Variants in HTR1F observed in about 807,000 individuals in gnomAD.
HTR1F encodes the protein 5-hydroxytryptamine receptor 1F, also known as 5-hydroxytryptamine (serotonin) receptor 1F, G protein-coupled.
A neutral mutation model predicts 24.0 loss-of-function variants in HTR1F; 17 were observed. That is an observed-to-expected ratio of 0.71 (90% CI 0.48 to 1.06). HTR1F has a LOEUF of 1.06. Ranked by LOEUF, HTR1F falls within the 50% of genes least tolerant of loss-of-function variation. The probability of loss-of-function intolerance (pLI) is 0.00; values close to 1 mark genes in which losing one functional copy is unlikely to be tolerated. For synonymous variants in HTR1F, 186 were observed against 156.8 expected (o/e 1.19, Z -1.39); for missense variants, 391 against 427.8 (o/e 0.91, Z 0.76).
intron 2 of HTR1F, among the ~76,000 whole-genome samples, chr3:87,874,648 C>G (rs1397500324): frequency 6.6e-6 from 1 of 150,864 alleles, no homozygotes; most frequent in Non-Finnish European, 1.5e-5. Context: ...AAAAAAAACC[C>G]TAAAATTAAT....
At chr3:87,970,300 G>A (rs375792667) in intron 2 of HTR1F, among the ~76,000 whole-genome samples, 2 of 152,190 alleles carry the variant, frequency 1.3e-5, no homozygotes, top group African/African-American at 4.8e-5. Context: ...GGTGGGGGCA[G>A]GGTTTAAAAC....
intron 2 of HTR1F, among the ~76,000 whole-genome samples, chr3:87,913,716 T>C (rs1703830469): frequency 6.6e-6 from 1 of 152,122 alleles, no homozygotes; most frequent in Non-Finnish European, 1.5e-5. Context: ...GTAAAATAAA[T>C]GTGGTACAAT....
Position 87,841,193 on chromosome 3 carries a change from T to C in HTR1F, c.-43+19069T>C, listed in dbSNP as rs141088777. ...AACATTACACTGTACCCCATAAATA[T>C]ATAATTATTTATCAATTGTTATTTG... is the stretch of plus-strand genomic sequence containing the variant. On this transcript the variant is annotated intron_variant, in intron 2 of 2. Transcript: ENST00000319595. 4.1e-3 allele frequency among the ~76,000 whole-genome samples: 617 copies of C among 152,004 alleles called. 7 individuals carry two copies. The highest frequency in any genetic ancestry group is 6.4e-3 in the Non-Finnish European group (436 of 68,008).
intron 2 of HTR1F, among the ~76,000 whole-genome samples, chr3:87,927,785 A>G (rs1338086061): frequency 1.3e-5 from 2 of 152,164 alleles, no homozygotes; most frequent in Non-Finnish European, 2.9e-5. Flanking sequence ...TAGTTACTGG[A>G]GATACACAAG....
intron 2 of HTR1F, among the ~76,000 whole-genome samples, chr3:87,912,126 T>A (rs1293752710): frequency 6.6e-6 from 1 of 151,770 alleles, no homozygotes; most frequent in East Asian, 1.9e-4. Flanking sequence ...AGTCAAACTA[T>A]CCCTGTTTGC....
At chr3:87,865,935 A>C (rs1313765911) in intron 2 of HTR1F, among the ~76,000 whole-genome samples, 1 of 152,130 alleles carries the variant, frequency 6.6e-6, no homozygotes, top group Non-Finnish European at 1.5e-5. Flanking sequence ...ACAGCTTACC[A>C]AAAAGTTGAT....
intron 2 of HTR1F, among the ~76,000 whole-genome samples, chr3:87,925,136 G>C (rs949460550): frequency 6.6e-6 from 1 of 151,888 alleles, no homozygotes; most frequent in East Asian, 1.9e-4. Flanking sequence ...CAGTGATCTA[G>C]ATTGTGGGTG....
intron 2 of HTR1F, among the ~76,000 whole-genome samples, chr3:87,962,224 TA>T (rs1474293604): frequency 6.6e-6 from 1 of 152,116 alleles, no homozygotes; most frequent in African/African-American, 2.4e-5. Flanking sequence ...CTGATTTGGC[TA>T]CTACTTAGGA....
At chr3:87,838,980 T>G (rs976658756) in intron 2 of HTR1F, among the ~76,000 whole-genome samples, 2 of 151,472 alleles carry the variant, frequency 1.3e-5, no homozygotes, top group African/African-American at 4.8e-5. Flanking sequence ...GTCTCTTTAT[T>G]CTATTGATTG....
intron 2 of HTR1F, among the ~76,000 whole-genome samples, chr3:87,827,599 C>G (rs1704492043): frequency 6.6e-6 from 1 of 152,060 alleles, no homozygotes; most frequent in Admixed American, 6.5e-5. Flanking sequence ...AATTCTAAAG[C>G]CTTTATTTAA....
At chr3:87,815,133 G>T (rs996792928) in intron 1 of HTR1F, among the ~76,000 whole-genome samples, 1 of 152,074 alleles carries the variant, frequency 6.6e-6, no homozygotes, top group African/African-American at 2.4e-5. Context: ...ATACAATTGT[G>T]TAAAAGGCAG....
intron 2 of HTR1F, among the ~76,000 whole-genome samples, chr3:87,961,884 G>C (rs1475805045): frequency 6.6e-6 from 1 of 151,154 alleles, no homozygotes; most frequent in Non-Finnish European, 1.5e-5. Flanking sequence ...TAAAATATAG[G>C]ACAGCAGGCT....
At chr3:87,851,999 C>T (rs1482634347) in intron 2 of HTR1F, among the ~76,000 whole-genome samples, 2 of 150,716 alleles carry the variant, frequency 1.3e-5, no homozygotes, top group African/African-American at 4.9e-5. Context: ...ACATTTCTAC[C>T]AGCAATAGCT....
At chr3:87,919,369 T>C (rs529132586) in intron 2 of HTR1F, among the ~76,000 whole-genome samples, 2 of 151,458 alleles carry the variant, frequency 1.3e-5, no homozygotes, top group East Asian at 3.9e-4. Flanking sequence ...AAAGATAAAA[T>C]CCTGGGACTT....
At chr3:87,929,953 G>GTTTCTATCGTCTCTGATTTC (rs1231767648) in intron 2 of HTR1F, among the ~76,000 whole-genome samples, 2 of 152,064 alleles carry the variant, frequency 1.3e-5, no homozygotes, top group African/African-American at 4.8e-5. Flanking sequence ...TTTTCCATTT[G>GTTTCTATCGTCTCTGATTTC]TTTCTATCGT....
At chr3:87,874,471 T>A (rs1455783361) in intron 2 of HTR1F, among the ~76,000 whole-genome samples, 1 of 152,020 alleles carries the variant, frequency 6.6e-6, no homozygotes, top group South Asian at 2.1e-4. Context: ...CTACAAAGCA[T>A]TGCTGAAAGA....
At chr3:87,802,511 T>C (rs1475634785) in intron 1 of HTR1F, among the ~76,000 whole-genome samples, 1 of 151,798 alleles carries the variant, frequency 6.6e-6, no homozygotes, top group Non-Finnish European at 1.5e-5. Flanking sequence ...GCCAGGCTAA[T>C]TTTTCTGTTT....
chr3:87,918,588 G>A (rs1345736049), intron 2 of HTR1F, among the ~76,000 whole-genome samples: 1 of 151,844 alleles, frequency 6.6e-6, no homozygotes, highest in African/African-American at 2.4e-5. Flanking sequence ...GACTGACCAA[G>A]CTGAAAATCA....
At chr3:87,981,016 C>T (rs1576118477) in intron 2 of HTR1F, among the ~76,000 whole-genome samples, 1 of 152,060 alleles carries the variant, frequency 6.6e-6, no homozygotes, top group African/African-American at 2.4e-5. Context: ...GGGCTCCCAC[C>T]CCACCAACTC....
Sources: allele counts gnomAD v4.1 joint callset (sites outside exome capture counted in the v4.1 genomes callset), GRCh38; gene constraint gnomAD v4.1.1; transcripts MANE v1.5; gene names NCBI Gene and HGNC (gene_info 2026-07-23, HGNC 2026-07-21).